Variants in SLC25A19 observed in about 807,000 individuals in gnomAD.
The protein encoded by SLC25A19 is solute carrier family 25 member 19, also known as mitochondrial thiamine pyrophosphate carrier.
SLC25A19 carries 18 observed loss-of-function variants against 27.9 expected under a neutral mutation model. The observed-to-expected ratio is 0.64, with a 90% CI of 0.45 to 0.96. The LOEUF is 0.96. Among genes scored for constraint, SLC25A19 ranks in the 40% least tolerant of loss-of-function variants. SLC25A19 has a pLI of 0.00. For missense variants in SLC25A19, 371 were observed against 418.3 expected, an observed-to-expected ratio of 0.89 and a Z score of 0.99; for synonymous variants, 169 against 167.1, an observed-to-expected ratio of 1.01 and a Z score of -0.09.
Position 75,276,648 on chromosome 17 carries a change from G to A in SLC25A19, c.774+705C>T, listed in dbSNP as rs1053095572. Among the ~76,000 whole-genome samples, 4 of 149,248 alleles carry A rather than the reference G, an allele frequency of 2.7e-5. 1 individual carries two copies. The East Asian group carries it at 6.0e-4, about 22-fold the overall frequency. ...CTCCCAAAATGTTGGGATTACAGGA[G>A]TGAGCCACCACGTCCACGCCCAGCC... On this transcript the variant is annotated intron_variant, in intron 7 of 7. Coordinates refer to ENST00000416858, the MANE Select transcript of SLC25A19 (RefSeq NM_001126121.2).
chr17:75,283,025 C>A (rs931896461), intron 5 of SLC25A19, among the ~76,000 whole-genome samples: 3 of 145,602 alleles, frequency 2.1e-5, no homozygotes, highest in African/African-American at 7.7e-5. Flanking sequence ...ATAGGCCGGG[C>A]GCAGTGGCTC....
Position 75,278,340 on chromosome 17 carries a change from A to T in SLC25A19, c.460-5T>A. 1 of 1,613,870 alleles carries T rather than the reference A, an allele frequency of 6.2e-7. No individual in the cohort carries two copies. Among genetic ancestry groups the T allele is most frequent in the Non-Finnish European group, 8.5e-7 (1 of 1,179,888 alleles). The stretch of plus-strand genomic sequence containing the variant: ...GTGGCGCAGCGTATTATAGACCTGG[A>T]CACACACACGCACTTTGAATGAGCT... On this transcript the variant is annotated splice_polypyrimidine_tract_variant and splice_region_variant and intron_variant, in intron 5 of 7. Coordinates refer to ENST00000416858, the MANE Select transcript of SLC25A19 (RefSeq NM_001126121.2).
intron 2 of SLC25A19, 131 bp from the exon 3 acceptor site, chr17:75,286,933 G>T: frequency 1.1e-6 from 1 of 886,744 alleles, no homozygotes; most frequent in Non-Finnish European, 1.7e-6. Context: ...TGGGCGCAGC[G>T]GTTCATGCCT....
intron 6 of SLC25A19, among the ~76,000 whole-genome samples, chr17:75,277,697 G>C (rs1258284955): frequency 1.3e-5 from 2 of 152,128 alleles, no homozygotes; most frequent in Non-Finnish European, 2.9e-5. Context: ...ATCCGGGCTG[G>C]AAGGGTTGGA....
intron 7 of SLC25A19, among the ~76,000 whole-genome samples, chr17:75,275,279 C>T (rs535305750): frequency 6.6e-6 from 1 of 152,124 alleles, no homozygotes; most frequent in African/African-American, 2.4e-5. Context: ...AGGCGTGATC[C>T]ACTGCAGCTG....
chr17:75,283,366 C>T (rs1028836106), intron 5 of SLC25A19, 57 bp downstream of exon 5: 1 of 1,527,280 alleles, frequency 6.5e-7, no homozygotes, highest in Non-Finnish European at 9.0e-7. Context: ...AGAATGCTAC[C>T]CCTGTGACAA....
At chr17:75,281,554 G>A (rs1040018322) in intron 5 of SLC25A19, among the ~76,000 whole-genome samples, 2 of 152,020 alleles carry the variant, frequency 1.3e-5, no homozygotes, top group African/African-American at 2.4e-5. Flanking sequence ...AAAATTAGCC[G>A]GACATGGCAT....
In SLC25A19 at chr17:75,277,489, C is replaced by T; in HGVS notation, c.644-6G>A. 1.9e-6 allele frequency: 3 copies of T among 1,613,788 alleles called. No individual in the cohort carries two copies. The highest frequency in any genetic ancestry group is 2.5e-6 in the Non-Finnish European group (3 of 1,179,844). On this transcript the variant is annotated splice_region_variant and splice_polypyrimidine_tract_variant and intron_variant, in intron 6 of 7. Transcript: ENST00000416858. ...AAGCAGGTTTTGGAGGTTCTCTGAA[C>T]CAGAGAAGTGGGATTGGGAGAATGG...
chr17:75,279,845 G>A (rs567056251), intron 5 of SLC25A19, among the ~76,000 whole-genome samples: 1 of 152,058 alleles, frequency 6.6e-6, no homozygotes, highest in Non-Finnish European at 1.5e-5. Flanking sequence ...ATCTCACTTT[G>A]TTGTTTGGGC....
In SLC25A19 at chr17:75,288,604, A is replaced by ATTCTATAATTTT. The variant is rs2078236471; in HGVS notation, c.-128-14_-128-13insAAAATTATAGAA. The ATTCTATAATTTT allele has an allele frequency of 6.6e-6, 1 of 151,818 alleles. No individual in the cohort carries two copies. Among genetic ancestry groups the ATTCTATAATTTT allele is most frequent in the Non-Finnish European group, 1.5e-5 (1 of 67,970 alleles). The allele number at this position is 151,818 out of a possible 1,614,324, so 9.4% of individuals were successfully genotyped here. A position where few individuals can be genotyped will look rare whatever the true frequency, so the allele number is the denominator to read the frequency against. On this transcript the variant is annotated splice_polypyrimidine_tract_variant and intron_variant, in intron 1 of 7. Transcript: ENST00000416858. ...ACAGGGAGAAGGGCTGAGAAGGGAA[A>ATTCTATAATTTT]AAGGAAGGTAGACCTGTCGATAATT...
At chr17:75,277,691 G>A (rs980238726) in intron 6 of SLC25A19, among the ~76,000 whole-genome samples, 10 of 152,090 alleles carry the variant, frequency 6.6e-5, no homozygotes, top group Admixed American at 1.3e-4. Context: ...GGAGTGATCC[G>A]GGCTGGAAGG....
intron 4 of SLC25A19, among the ~76,000 whole-genome samples, chr17:75,285,803 T>C (rs2078166351): frequency 6.6e-6 from 1 of 152,236 alleles, no homozygotes; most frequent in Non-Finnish European, 1.5e-5. Context: ...TAAACACATC[T>C]ACTGCATAAA....
chr17:75,283,690 AGGT>A, intron 4 of SLC25A19, 97 bp from the exon 5 acceptor site: 2 of 1,221,716 alleles, frequency 1.6e-6, no homozygotes, highest in Non-Finnish European at 2.4e-6. Flanking sequence ...GCTGGGGCCC[AGGT>A]GGAGGGGCGA....
At chr17:75,276,665 C>T (rs1489366648) in intron 7 of SLC25A19, among the ~76,000 whole-genome samples, 4 of 148,258 alleles carry the variant, frequency 2.7e-5, no homozygotes, top group South Asian at 2.2e-4. Flanking sequence ...ACCACGTCCA[C>T]GCCCAGCCTC....
chr17:75,282,741 A>C (rs2078070497), intron 5 of SLC25A19, among the ~76,000 whole-genome samples: 1 of 151,196 alleles, frequency 6.6e-6, no homozygotes, highest in African/African-American at 2.4e-5. Flanking sequence ...AGTCCCAGCT[A>C]CTCGGGAGGC....
intron 4 of SLC25A19, among the ~76,000 whole-genome samples, 178 bp downstream of exon 4, chr17:75,286,126 G>A (rs994599566): frequency 3.9e-5 from 6 of 152,230 alleles, no homozygotes; most frequent in Admixed American, 2.0e-4. Flanking sequence ...GGGACATGGC[G>A]GAGGGCAATG....
chr17:75,278,394 C>A (rs539877060), intron 5 of SLC25A19, 59 bp from the exon 6 acceptor site: 66 of 1,585,182 alleles, frequency 4.2e-5, no homozygotes, highest in Middle Eastern at 1.7e-4. Context: ...CCTGGAACAG[C>A]CCATCATAGC....
In SLC25A19 at chr17:75,286,437, C is replaced by A; in HGVS notation, c.155G>T (p.Arg52Leu). ...ATGGTACTTTGCGCTGGGGTCACTG[C>A]GAGACAGGCGCTCATGCTGAAGCTA... ...RFQLQHERLS[R>L]SDPSAKYHGI... The change falls in exon 4 of 8, where the codon CGC (arginine) becomes CTC (leucine). Residue 52 changes from arginine (R) to leucine (L), a missense_variant. Arg to Leu is a moderately radical substitution (Grantham distance 102). Transcript: ENST00000416858. The A allele has an allele frequency of 1.2e-6, 2 of 1,614,010 alleles. No individual in the cohort carries two copies. Among genetic ancestry groups the A allele is most frequent in the Non-Finnish European group, 8.5e-7 (1 of 1,180,010 alleles).
Position 75,286,406 on chromosome 17 carries a change from G to A in SLC25A19, c.186C>T (p.Ile62=), listed in dbSNP as rs773246663. 1 of 1,614,198 alleles carries A rather than the reference G, an allele frequency of 6.2e-7. No individual in the cohort carries two copies. The highest frequency in any genetic ancestry group is 8.5e-7 in the Non-Finnish European group (1 of 1,180,032). The change falls in exon 4 of 8, where the codon ATC becomes ATT. Residue 62 remains isoleucine (I), a synonymous_variant. Transcript: ENST00000416858. ...RSDPSAKYHG[I]LQASRQILQE... ...GCAGAATCTGCCTAGAGGCCTGGAG[G>A]ATGCCATGGTACTTTGCGCTGGGGT...
Sources: allele counts gnomAD v4.1 joint callset (sites outside exome capture counted in the v4.1 genomes callset), GRCh38; gene constraint gnomAD v4.1.1; transcripts MANE v1.5; gene names NCBI Gene and HGNC (gene_info 2026-07-23, HGNC 2026-07-21).